DLGAP2: variants seen among roughly 807,000 people sequenced by gnomAD.
DLGAP2 encodes DLG associated protein 2, also known as disks large-associated protein 2.
Under a neutral mutation model 100.3 loss-of-function variants are expected in DLGAP2, and 26 were observed. The observed-to-expected ratio is 0.26, with a 90% CI of 0.19 to 0.36. The LOEUF (loss-of-function observed/expected upper bound fraction) is 0.36, where lower values mean the gene tolerates loss of function less well. Ranked by LOEUF, DLGAP2 falls within the 10% of genes least tolerant of loss-of-function variation. DLGAP2 has a pLI of 1.00. For missense variants in DLGAP2, 1,858 were observed against 1,453.2 expected (o/e 1.28, Z -4.53); for synonymous variants, 886 against 630.1 (o/e 1.41, Z -6.08).
chr8:1,447,453 A>G (rs1798012771), intron 3 of DLGAP2, among the ~76,000 whole-genome samples: 1 of 152,190 alleles, frequency 6.6e-6, no homozygotes, highest in Admixed American at 6.5e-5. Flanking sequence ...ATCATGGTGG[A>G]TAAGCTTTTT....
At chr8:964,933 A>G (rs1235257157) in intron 2 of DLGAP2, among the ~76,000 whole-genome samples, 2 of 152,098 alleles carry the variant, frequency 1.3e-5, no homozygotes, top group Non-Finnish European at 2.9e-5. Context: ...TTCACACGGC[A>G]CTGTCGCCAC....
rs574160008 is a variant in DLGAP2 at position 1,415,926 on chromosome 8, T to C, written c.107-85440T>C. On this transcript the variant is annotated intron_variant, in intron 3 of 14. Transcript: ENST00000637795. Reference sequence around the variant, plus strand: ...CTAATTTACAATCCCACAAACAGGGTAGAAACTCCTTGAGGGGTCATTTCA... The same window carrying C: ...CTAATTTACAATCCCACAAACAGGGCAGAAACTCCTTGAGGGGTCATTTCA... 2.0e-5 allele frequency among the ~76,000 whole-genome samples: 3 copies of C among 152,260 alleles called. No individual in the cohort carries two copies. The South Asian group carries it at 6.2e-4, about 32-fold the overall frequency.
intron 3 of DLGAP2, among the ~76,000 whole-genome samples, chr8:1,360,289 CTTCTCCGGGGCGGGGCTTCTCCGGGGCG>C (rs1801953290): frequency 2.1e-5 from 1 of 48,298 alleles, no homozygotes. Flanking sequence ...TGGGGCGGGG[CTTCTCCGGGGCGGGGCTTCTCCGGGGCG>C]GGGCTTCTCC....
chr8:1,594,167 G>A (rs1000300343), intron 6 of DLGAP2, among the ~76,000 whole-genome samples: 1 of 152,098 alleles, frequency 6.6e-6, no homozygotes, highest in Non-Finnish European at 1.5e-5. Flanking sequence ...ATAAGACAAG[G>A]TCATGAAGAC....
chr8:1,070,231 C>T (rs1803384854), intron 2 of DLGAP2, among the ~76,000 whole-genome samples: 1 of 152,044 alleles, frequency 6.6e-6, no homozygotes, highest in Non-Finnish European at 1.5e-5. Context: ...TCTGTGTTGT[C>T]TTAAATGGGA....
rs77073100 is a variant in DLGAP2, at chr8:769,680, C to T, written c.18+31855C>T. Among the ~76,000 whole-genome samples the T allele has an allele frequency of 4.0e-3, 605 of 152,156 alleles. 4 individuals carry two copies. Among genetic ancestry groups the T allele is most frequent in the African/African-American group, 0.014 (566 of 41,520 alleles). On this transcript the variant is annotated intron_variant, in intron 1 of 14. Transcript: ENST00000637795. The stretch of plus-strand genomic sequence containing the variant: ...TGCTTATGTGTTTGCACATCCTAGA[C>T]GGTAGCTTGGGTTAGGGGCAACAGA...
chr8:1,697,962 G>C (rs779704791), intron 14 of DLGAP2, among the ~76,000 whole-genome samples: 2 of 152,234 alleles, frequency 1.3e-5, no homozygotes, highest in Non-Finnish European at 2.9e-5. Flanking sequence ...ACGTTTTAAA[G>C]ACGTCCTGAG....
chr8:1,439,719 C>T (rs902932714), intron 3 of DLGAP2, among the ~76,000 whole-genome samples: 12 of 152,162 alleles, frequency 7.9e-5, no homozygotes, highest in Non-Finnish European at 1.6e-4. Context: ...CCGCCATCCC[C>T]TAGGCTGCTT....
chr8:863,928 C>G (rs1043548395), intron 1 of DLGAP2, among the ~76,000 whole-genome samples: 1 of 152,142 alleles, frequency 6.6e-6, no homozygotes, highest in South Asian at 2.1e-4. Context: ...GCACCCTTCC[C>G]CACAGCCCAG....
chr8:1,003,364 G>A (rs1801015715), intron 2 of DLGAP2: 1 of 152,268 alleles, frequency 6.6e-6, no homozygotes, highest in Non-Finnish European at 1.5e-5. Flanking sequence ...GAAAGTTCAT[G>A]CATCGCATCA....
intron 2 of DLGAP2, among the ~76,000 whole-genome samples, chr8:1,078,007 A>G (rs570870714): frequency 2.1e-4 from 32 of 152,286 alleles, no homozygotes; most frequent in Admixed American, 7.2e-4. Flanking sequence ...CAGCTCTACA[A>G]TATAAATACT....
chr8:896,817 G>A (rs979090555), intron 1 of DLGAP2, among the ~76,000 whole-genome samples: 7 of 152,198 alleles, frequency 4.6e-5, no homozygotes, highest in African/African-American at 1.4e-4. Context: ...CCCCCAGTCT[G>A]TGGCTTTTGT....
chr8:1,690,190 T>C (rs984076057), intron 12 of DLGAP2, among the ~76,000 whole-genome samples: 4 of 151,690 alleles, frequency 2.6e-5, no homozygotes, highest in African/African-American at 7.3e-5. Context: ...ACGCTGTCTC[T>C]ACTAAAAATA....
chr8:1,145,247 C>T (rs1796586572), intron 2 of DLGAP2, among the ~76,000 whole-genome samples: 1 of 152,146 alleles, frequency 6.6e-6, no homozygotes, highest in African/African-American at 2.4e-5. Flanking sequence ...CCCCACCCAG[C>T]CACCATCCGG....
At chr8:1,285,530 G>A (rs1182379750) in intron 3 of DLGAP2, among the ~76,000 whole-genome samples, 1 of 152,094 alleles carries the variant, frequency 6.6e-6, no homozygotes, top group Non-Finnish European at 1.5e-5. Context: ...CTGGGGCTGT[G>A]GAATAATAAT....
intron 2 of DLGAP2, among the ~76,000 whole-genome samples, chr8:1,174,750 C>T (rs952176037): frequency 3.9e-5 from 6 of 152,102 alleles, no homozygotes; most frequent in African/African-American, 1.4e-4. Context: ...TCATTATCAT[C>T]ATTACTATCA....
At chr8:1,667,266 G>A (rs557082867) in intron 8 of DLGAP2, among the ~76,000 whole-genome samples, 1 of 152,204 alleles carries the variant, frequency 6.6e-6, no homozygotes, top group Non-Finnish European at 1.5e-5. Context: ...CCAGGCCAAG[G>A]TGCCTCATGC....
intron 1 of DLGAP2, among the ~76,000 whole-genome samples, chr8:850,059 TAA>T (rs369727619): frequency 0.13 from 16,412 of 129,238 alleles, 1,375 homozygotes; most frequent in Admixed American, 0.29. Context: ...GGAGACTGTC[TAA>T]AAAAAAAAAA....
chr8:1,334,958 G>A (rs1363588880), intron 3 of DLGAP2, among the ~76,000 whole-genome samples: 1 of 152,166 alleles, frequency 6.6e-6, no homozygotes, highest in African/African-American at 2.4e-5. Flanking sequence ...AGTATCCCGG[G>A]ACCCAGCCCT....
Sources: allele counts gnomAD v4.1 joint callset (sites outside exome capture counted in the v4.1 genomes callset), GRCh38; gene constraint gnomAD v4.1.1; transcripts MANE v1.5; gene names NCBI Gene and HGNC (gene_info 2026-07-23, HGNC 2026-07-21).